Variants in DDR2 observed in about 807,000 individuals in gnomAD.
DDR2 encodes the protein discoidin domain-containing receptor 2.
In DDR2, 27 loss-of-function variants were observed where a neutral mutation model predicts 94.9. That is an observed-to-expected ratio of 0.28 (90% CI 0.21 to 0.39). The LOEUF (loss-of-function observed/expected upper bound fraction) is 0.39, where lower values mean the gene tolerates loss of function less well. Ranked by LOEUF, DDR2 falls within the 10% of genes least tolerant of loss-of-function variation. DDR2 has a pLI of 1.00. For synonymous variants in DDR2, 382 were observed against 377.2 expected (o/e 1.01, Z -0.15); for missense variants, 783 against 1,076.0 (o/e 0.73, Z 3.81).
At chr1:162,654,204 G>T (rs370826675) in intron 1 of DDR2, among the ~76,000 whole-genome samples, 1 of 152,158 alleles carries the variant, frequency 6.6e-6, no homozygotes, top group African/African-American at 2.4e-5. Flanking sequence ...TTGTGAGGCC[G>T]AGGTGGGAGG....
chr1:162,681,194 G>T (rs1476839676), intron 2 of DDR2, among the ~76,000 whole-genome samples: 1 of 152,164 alleles, frequency 6.6e-6, no homozygotes, highest in Admixed American at 6.6e-5. Context: ...AACGTGCACT[G>T]TACTCAGCCT....
rs1320234040 is a variant in DDR2 at position 162,785,260 on chromosome 1, A to T, written c.*5014A>T. The T allele has an allele frequency of 1.3e-5, 2 of 152,172 alleles. No individual in the cohort carries two copies. The highest frequency in any genetic ancestry group is 2.9e-5 in the Non-Finnish European group (2 of 68,034). 9.4% of individuals were successfully genotyped at this position (152,172 alleles called of 1,614,324 possible). A position where few individuals can be genotyped will look rare whatever the true frequency, so the allele number is the denominator to read the frequency against. Reference sequence around the variant, plus strand: ...GTAGGATTAGCACTGGGGACAAAATAAGGAGTTTAGAGTAAACCAGTATTT... The same window carrying T: ...GTAGGATTAGCACTGGGGACAAAATTAGGAGTTTAGAGTAAACCAGTATTT... On this transcript the variant is annotated 3_prime_UTR_variant, in exon 18 of 18. Coordinates refer to ENST00000367921, the MANE Select transcript of DDR2 (RefSeq NM_006182.4).
intron 2 of DDR2, among the ~76,000 whole-genome samples, chr1:162,689,501 G>A (rs1382271818): frequency 6.6e-6 from 1 of 152,016 alleles, no homozygotes; most frequent in South Asian, 2.1e-4. Flanking sequence ...CCGGTCCCCT[G>A]TCAGGCTTTT....
intron 1 of DDR2, among the ~76,000 whole-genome samples, chr1:162,646,889 C>T (rs1190402380): frequency 6.6e-6 from 1 of 152,206 alleles, no homozygotes; most frequent in African/African-American, 2.4e-5. Context: ...TGTCTGATCA[C>T]ATTTTGTGTA....
At chr1:162,690,965 G>A (rs1278380867) in intron 2 of DDR2, among the ~76,000 whole-genome samples, 1 of 152,118 alleles carries the variant, frequency 6.6e-6, no homozygotes, top group African/African-American at 2.4e-5. Flanking sequence ...TTTGGCTCTT[G>A]GGTTTGTATG....
intron 1 of DDR2, among the ~76,000 whole-genome samples, chr1:162,633,354 G>A (rs1656651666): frequency 6.6e-6 from 1 of 152,134 alleles, no homozygotes; most frequent in Admixed American, 6.5e-5. Context: ...GTTCCCAGTG[G>A]CTGAAACTCT....
At chr1:162,634,202 T>C (rs1169849065) in intron 1 of DDR2, among the ~76,000 whole-genome samples, 1 of 152,164 alleles carries the variant, frequency 6.6e-6, no homozygotes, top group African/African-American at 2.4e-5. Flanking sequence ...ATATCAGATG[T>C]GGGGTTGATT....
chr1:162,773,586 A>G lies in DDR2; in HGVS notation c.1846A>G (p.Lys616Glu). The change falls in exon 14 of 18, where the codon AAG becomes GAG. Residue 616 changes from lysine (K) to glutamate (E), a missense_variant. Coordinates refer to ENST00000367921, the MANE Select transcript of DDR2 (RefSeq NM_006182.4). ...AVKMLRADANKNARNDFLKEI... is the reference protein window; with the variant it reads ...AVKMLRADANENARNDFLKEI... The stretch of plus-strand genomic sequence containing the variant: ...GAAAATGCTCCGAGCAGATGCCAAC[A>G]AGAATGCCAGGTCTGTGGTCTACAT... The G allele has an allele frequency of 6.2e-7, 1 of 1,614,014 alleles. No individual in the cohort carries two copies. Among genetic ancestry groups the G allele is most frequent in the Non-Finnish European group, 8.5e-7 (1 of 1,179,904 alleles).
intron 16 of DDR2, among the ~76,000 whole-genome samples, chr1:162,777,053 G>C (rs183603069): frequency 6.6e-6 from 1 of 152,186 alleles, no homozygotes; most frequent in Non-Finnish European, 1.5e-5. Flanking sequence ...AAAAGTCTGA[G>C]ACCAATTTGG....
chr1:162,716,752 C>T (rs1342488963), intron 2 of DDR2, among the ~76,000 whole-genome samples: 1 of 150,596 alleles, frequency 6.6e-6, no homozygotes, highest in Non-Finnish European at 1.5e-5. Flanking sequence ...TATTATACTG[C>T]TTAGAAATTG....
chr1:162,761,065 G>A, intron 8 of DDR2, 146 bp from the exon 9 acceptor site: 2 of 1,191,470 alleles, frequency 1.7e-6, no homozygotes, highest in Non-Finnish European at 2.4e-6. Context: ...ATGTACCTAG[G>A]AGGAAGCAGG....
intron 2 of DDR2, among the ~76,000 whole-genome samples, chr1:162,690,249 A>G (rs941247148): frequency 1.3e-5 from 2 of 152,148 alleles, no homozygotes; most frequent in African/African-American, 4.8e-5. Context: ...ATCTGCTCAT[A>G]GTCACAAAGC....
At chr1:162,673,584 T>C (rs940492159) in intron 2 of DDR2, among the ~76,000 whole-genome samples, 1 of 131,478 alleles carries the variant, frequency 7.6e-6, no homozygotes, top group African/African-American at 3.2e-5. Context: ...TATGTGCGTG[T>C]GTGTGTGTGT....
At chr1:162,647,284 A>T (rs1238086808) in intron 1 of DDR2, among the ~76,000 whole-genome samples, 2 of 152,164 alleles carry the variant, frequency 1.3e-5, no homozygotes, top group African/African-American at 4.8e-5. Flanking sequence ...TTGAACTAGA[A>T]ATATTTAAAT....
At chr1:162,706,166 C>T (rs1253776488) in intron 2 of DDR2, among the ~76,000 whole-genome samples, 2 of 152,146 alleles carry the variant, frequency 1.3e-5, no homozygotes, top group African/African-American at 2.4e-5. Flanking sequence ...TTTTCAACTC[C>T]TGGCAGTGAG....
intron 3 of DDR2, among the ~76,000 whole-genome samples, chr1:162,736,920 G>T (rs1413139253): frequency 2.0e-5 from 3 of 152,126 alleles, no homozygotes; most frequent in Non-Finnish European, 2.9e-5. Context: ...GGGAAAGTGG[G>T]GTAAGGACAA....
chr1:162,783,401 A>T lies in DDR2; in HGVS notation c.*3155A>T, dbSNP rs545653279. ...ACTGTGTGCAAGTGGGGTGAAAAAA[A>T]AGGATACGTGAATGTGCATATGACT... is the stretch of plus-strand genomic sequence containing the variant. On this transcript the variant is annotated 3_prime_UTR_variant, in exon 18 of 18. Transcript: ENST00000367921. 1 of 152,276 alleles carries T rather than the reference A, an allele frequency of 6.6e-6. No homozygotes were observed. Among genetic ancestry groups the T allele is most frequent in the East Asian group, 1.9e-4 (1 of 5,178 alleles). The allele number at this position is 152,276 out of a possible 1,614,324, so 9.4% of individuals were successfully genotyped here.
intron 3 of DDR2, among the ~76,000 whole-genome samples, chr1:162,746,617 G>A (rs1286415590): frequency 1.3e-5 from 2 of 152,226 alleles, no homozygotes; most frequent in African/African-American, 4.8e-5. Context: ...TTTGAAGAGA[G>A]TGGTGGTTCT....
intron 1 of DDR2, among the ~76,000 whole-genome samples, chr1:162,653,648 C>T (rs1228339707): frequency 2.6e-5 from 4 of 151,892 alleles, no homozygotes; most frequent in Non-Finnish European, 5.9e-5. Context: ...TGATGTGATG[C>T]TGATGATAGT....
Sources: allele counts gnomAD v4.1 joint callset (sites outside exome capture counted in the v4.1 genomes callset), GRCh38; gene constraint gnomAD v4.1.1; transcripts MANE v1.5; gene names NCBI Gene and HGNC (gene_info 2026-07-23, HGNC 2026-07-21).